The following CADM2 variants were observed in gnomAD, a reference collection of about 807,000 sequenced individuals.
CADM2 encodes the protein cell adhesion molecule 2, also known as immunoglobulin superfamily member 4D.
CADM2 carries 12 observed loss-of-function variants against 49.8 expected under a neutral mutation model. The ratio of observed to expected loss-of-function variants is 0.24; its 90% CI spans 0.15 to 0.39. The LOEUF is 0.39. CADM2 is among the 10% of genes least tolerant of loss of function. CADM2 has a pLI of 1.00. For synonymous variants in CADM2, 214 were observed against 175.4 expected (o/e 1.22, Z -1.74); for missense variants, 378 against 492.3 (o/e 0.77, Z 2.20).
chr3:85,567,379 T>C (rs1257201625), intron 1 of CADM2, among the ~76,000 whole-genome samples: 1 of 152,214 alleles, frequency 6.6e-6, no homozygotes, highest in Non-Finnish European at 1.5e-5. Context: ...TCAATGTATT[T>C]AAACTTGCTG....
At chr3:86,002,999 C>T (rs1559794140) in intron 8 of CADM2, among the ~76,000 whole-genome samples, 2 of 152,146 alleles carry the variant, frequency 1.3e-5, no homozygotes, top group Non-Finnish European at 2.9e-5. Context: ...TCCATCTTAA[C>T]CCATTGTGGA....
intron 1 of CADM2, among the ~76,000 whole-genome samples, chr3:85,047,092 A>G (rs2035698918): frequency 6.6e-6 from 1 of 152,172 alleles, no homozygotes; most frequent in South Asian, 2.1e-4. Flanking sequence ...AGATTTTGCA[A>G]GATATTCCAT....
chr3:86,006,749 T>G (rs1730839835), intron 8 of CADM2, among the ~76,000 whole-genome samples: 1 of 152,018 alleles, frequency 6.6e-6, no homozygotes, highest in African/African-American at 2.4e-5. Flanking sequence ...CTTACTAATT[T>G]AAGTATATTG....
intron 1 of CADM2, among the ~76,000 whole-genome samples, chr3:85,368,231 G>A (rs2032944593): frequency 6.6e-6 from 1 of 151,964 alleles, no homozygotes; most frequent in African/African-American, 2.4e-5. Context: ...AACCTTGATA[G>A]AGAGACATTG....
At chr3:85,234,549 G>A (rs1429093101) in intron 1 of CADM2, among the ~76,000 whole-genome samples, 1 of 152,074 alleles carries the variant, frequency 6.6e-6, no homozygotes, top group South Asian at 2.1e-4. Context: ...TCATTTTTAT[G>A]TATGTATAAA....
At chr3:85,144,601 G>A (rs2039676225) in intron 1 of CADM2, among the ~76,000 whole-genome samples, 1 of 110,350 alleles carries the variant, frequency 9.1e-6, no homozygotes. Context: ...GACAGAGTGA[G>A]ACTCCATCTC....
At chr3:86,020,803 T>A (rs9756174) in intron 8 of CADM2, among the ~76,000 whole-genome samples, 4,792 of 152,030 alleles carry the variant, frequency 0.032, 145 homozygotes, top group African/African-American at 0.075. Flanking sequence ...CATGCTAAAA[T>A]CTCTCAATAA....
intron 1 of CADM2, among the ~76,000 whole-genome samples, chr3:85,178,803 G>T (rs757753934): frequency 5.9e-5 from 9 of 151,466 alleles, no homozygotes; most frequent in Non-Finnish European, 1.2e-4. Context: ...TTAAACCTCA[G>T]GTTTAAGTAG....
At chr3:85,739,320 A>T (rs897717805) in intron 2 of CADM2, among the ~76,000 whole-genome samples, 7 of 152,096 alleles carry the variant, frequency 4.6e-5, no homozygotes, top group African/African-American at 9.6e-5. Context: ...TAGAGTCTGA[A>T]CATTAAGTTT....
chr3:85,854,121 C>T (rs1042769299), intron 3 of CADM2, among the ~76,000 whole-genome samples: 1 of 152,034 alleles, frequency 6.6e-6, no homozygotes, highest in African/African-American at 2.4e-5. Flanking sequence ...AACTAAAAAC[C>T]ACTGTAGAAA....
chr3:85,328,785 G>C (rs1194459581), intron 1 of CADM2, among the ~76,000 whole-genome samples: 1 of 151,532 alleles, frequency 6.6e-6, no homozygotes, highest in Non-Finnish European at 1.5e-5. Context: ...GACTTGTGTG[G>C]ATACATAGAC....
chr3:85,213,479 G>A (rs1052523967), intron 1 of CADM2, among the ~76,000 whole-genome samples: 5 of 151,634 alleles, frequency 3.3e-5, no homozygotes, highest in East Asian at 3.9e-4. Context: ...TCTTTCTTTC[G>A]TTGCTTTTAG....
intron 1 of CADM2, among the ~76,000 whole-genome samples, chr3:85,520,768 A>T (rs1342374216): frequency 1.3e-5 from 2 of 152,076 alleles, no homozygotes; most frequent in African/African-American, 4.8e-5. Context: ...AACCTGGGCA[A>T]ATTTGAACTA....
At chr3:85,264,554 G>T (rs1335880309) in intron 1 of CADM2, among the ~76,000 whole-genome samples, 2 of 151,788 alleles carry the variant, frequency 1.3e-5, no homozygotes, top group Non-Finnish European at 2.9e-5. Context: ...TCCTACTTTG[G>T]ACTTTCTTCA....
At chr3:85,928,175 T>A (rs1183150583) in intron 6 of CADM2, among the ~76,000 whole-genome samples, 4 of 151,036 alleles carry the variant, frequency 2.6e-5, no homozygotes, top group African/African-American at 9.7e-5. Flanking sequence ...TTTTTTTTTT[T>A]TTGAAATGGA....
chr3:85,669,243 G>A (rs1161256492), intron 1 of CADM2, among the ~76,000 whole-genome samples: 1 of 151,980 alleles, frequency 6.6e-6, no homozygotes, highest in Non-Finnish European at 1.5e-5. Flanking sequence ...TACTTAGATG[G>A]TTCTGCAGCC....
intron 3 of CADM2, among the ~76,000 whole-genome samples, chr3:85,840,377 G>A (rs1352145878): frequency 4.0e-5 from 6 of 151,808 alleles, no homozygotes; most frequent in Non-Finnish European, 8.8e-5. Flanking sequence ...ACCAAAAGCG[G>A]TCACCTAAGA....
At chr3:85,217,690 T>C (rs2041960094) in intron 1 of CADM2, among the ~76,000 whole-genome samples, 1 of 152,070 alleles carries the variant, frequency 6.6e-6, no homozygotes, top group Admixed American at 6.6e-5. Flanking sequence ...GAATCACTTG[T>C]GGCCACTTAG....
intron 1 of CADM2, among the ~76,000 whole-genome samples, chr3:84,969,389 A>C (rs1206528871): frequency 6.6e-6 from 1 of 151,930 alleles, no homozygotes; most frequent in Non-Finnish European, 1.5e-5. Flanking sequence ...TATTTTAAGC[A>C]TTTATGTGTT....
Sources: gnomAD v4.1 joint callset for allele counts (sites outside exome capture counted in the v4.1 genomes callset) on GRCh38, gnomAD v4.1.1 for gene constraint, MANE v1.5 for transcripts, NCBI Gene and HGNC (gene_info 2026-07-23, HGNC 2026-07-21) for gene names.